SLIT2: variants seen among roughly 807,000 people sequenced by gnomAD.
SLIT2 encodes slit homolog 2 protein.
Under a neutral mutation model 185.7 loss-of-function variants are expected in SLIT2, and 41 were observed. That is an observed-to-expected ratio of 0.22 (90% CI 0.17 to 0.29). The LOEUF (loss-of-function observed/expected upper bound fraction) is 0.29, where lower values mean the gene tolerates loss of function less well. Ranked by LOEUF, SLIT2 falls within the 10% of genes least tolerant of loss-of-function variation. The pLI is 1.00. For missense variants in SLIT2, 1,571 were observed against 1,909.0 expected (o/e 0.82, Z 3.30); for synonymous variants, 693 against 680.2 (o/e 1.02, Z -0.29).
intron 4 of SLIT2, among the ~76,000 whole-genome samples, chr4:20,381,601 T>G (rs1724518381): frequency 6.6e-6 from 1 of 152,146 alleles, no homozygotes; most frequent in African/African-American, 2.4e-5. Context: ...ATCTCAATTT[T>G]CCAAAAATAG....
At chr4:20,497,310 C>G (rs1448276133) in intron 9 of SLIT2, among the ~76,000 whole-genome samples, 1 of 151,686 alleles carries the variant, frequency 6.6e-6, no homozygotes, top group Non-Finnish European at 1.5e-5. Context: ...TAAAAACCTT[C>G]AATTGTGAAG....
chr4:20,325,655 G>T (rs1333942259), intron 4 of SLIT2, among the ~76,000 whole-genome samples: 1 of 151,984 alleles, frequency 6.6e-6, no homozygotes, highest in African/African-American at 2.4e-5. Flanking sequence ...AAAATATTTT[G>T]CCCTAACTTC....
chr4:20,605,587 A>G (rs1295664149), intron 33 of SLIT2, among the ~76,000 whole-genome samples: 1 of 152,186 alleles, frequency 6.6e-6, no homozygotes, highest in East Asian at 1.9e-4. Context: ...AAAGGATGCC[A>G]TGCATTACAT....
intron 9 of SLIT2, among the ~76,000 whole-genome samples, chr4:20,496,782 G>T (rs1400100572): frequency 6.6e-6 from 1 of 152,058 alleles, no homozygotes; most frequent in African/African-American, 2.4e-5. Flanking sequence ...AATATTTATT[G>T]GGTAAATGGA....
intron 18 of SLIT2, among the ~76,000 whole-genome samples, chr4:20,537,137 T>A (rs1156375925): frequency 6.6e-6 from 1 of 152,234 alleles, no homozygotes; most frequent in Non-Finnish European, 1.5e-5. Flanking sequence ...AACAATAGTA[T>A]AGTAAATACA....
At chr4:20,299,490 C>T (rs575491882) in intron 4 of SLIT2, among the ~76,000 whole-genome samples, 2 of 152,174 alleles carry the variant, frequency 1.3e-5, no homozygotes, top group South Asian at 4.1e-4. Flanking sequence ...AATATTTTAT[C>T]TATTTCAATA....
chr4:20,301,141 A>T (rs1363990510), intron 4 of SLIT2, among the ~76,000 whole-genome samples: 2 of 152,162 alleles, frequency 1.3e-5, no homozygotes, highest in African/African-American at 4.8e-5. Flanking sequence ...TGCTTTGTTC[A>T]TATGGTTGAT....
At chr4:20,349,638 C>T (rs374531485) in intron 4 of SLIT2, among the ~76,000 whole-genome samples, 5 of 152,120 alleles carry the variant, frequency 3.3e-5, no homozygotes, top group Admixed American at 1.3e-4. Flanking sequence ...TAAAGTATCA[C>T]GAAAGCCCCA....
chr4:20,330,751 G>C (rs1411864493), intron 4 of SLIT2, among the ~76,000 whole-genome samples: 1 of 151,946 alleles, frequency 6.6e-6, no homozygotes, highest in Non-Finnish European at 1.5e-5. Flanking sequence ...GGGGAACATG[G>C]ATAGTATTAA....
intron 34 of SLIT2, among the ~76,000 whole-genome samples, chr4:20,614,046 T>A (rs2148985658): frequency 6.6e-6 from 1 of 152,218 alleles, no homozygotes; most frequent in South Asian, 2.1e-4. Context: ...TAATTTTTTA[T>A]ACTTTTAGTA....
intron 9 of SLIT2, among the ~76,000 whole-genome samples, chr4:20,494,995 C>G (rs1240190098): frequency 6.6e-6 from 1 of 152,036 alleles, no homozygotes; most frequent in Non-Finnish European, 1.5e-5. Context: ...GAGGAAGAGA[C>G]TTCTAGGAAA....
intron 34 of SLIT2, chr4:20,615,717 A>G (rs1301421107): frequency 6.6e-6 from 1 of 152,244 alleles, no homozygotes; most frequent in Non-Finnish European, 1.5e-5. Flanking sequence ...TGAATGGGAA[A>G]GGAGAAGGTG....
At chr4:20,518,257 T>A (rs13106820) in intron 11 of SLIT2, among the ~76,000 whole-genome samples, 27,617 of 67,886 alleles carry the variant, frequency 0.41, 4,867 homozygotes, top group East Asian at 0.61. Flanking sequence ...ATATATATAT[T>A]TTTTTTTTTT....
At chr4:20,426,830 C>T (rs1728596179) in intron 4 of SLIT2, among the ~76,000 whole-genome samples, 1 of 151,882 alleles carries the variant, frequency 6.6e-6, no homozygotes, top group African/African-American at 2.4e-5. Context: ...TCATTTAAAC[C>T]CCAAAACAAC....
intron 33 of SLIT2, among the ~76,000 whole-genome samples, chr4:20,608,927 G>A (rs59628647): frequency 0.012 from 1,825 of 152,136 alleles, 31 homozygotes; most frequent in African/African-American, 0.041. Context: ...CAGTATCCCA[G>A]CATGTTAGAT....
rs199908862 is a variant in SLIT2 at position 20,472,208 on chromosome 4, ATG to A, written c.467+4399_467+4400del. 2.7e-4 allele frequency among the ~76,000 whole-genome samples: 35 copies of A among 128,332 alleles called. 2 individuals are homozygous for A. The highest frequency in any genetic ancestry group is 1.6e-3 in the East Asian group (7 of 4,394). 84.2% of individuals were successfully genotyped at this position (128,332 alleles called of 152,430 possible). ...ATATTTAGGAAAAATTGCTTTAGAA[ATG>A]TGTGTGTGTGTGTATATATATATAG... On this transcript the variant is annotated intron_variant, in intron 5 of 36. Transcript: ENST00000504154.
chr4:20,457,102 G>A (rs982614611), intron 4 of SLIT2, among the ~76,000 whole-genome samples: 1 of 152,022 alleles, frequency 6.6e-6, no homozygotes, highest in Admixed American at 6.6e-5. Context: ...CTTGAGAATT[G>A]TAATGTCCAT....
intron 4 of SLIT2, among the ~76,000 whole-genome samples, chr4:20,439,895 A>G (rs1209542478): frequency 2.6e-5 from 4 of 152,234 alleles, no homozygotes; most frequent in Non-Finnish European, 5.9e-5. Flanking sequence ...AGCAGGAGAA[A>G]AAGACATCAT....
At chr4:20,307,835 A>G (rs761593041) in intron 4 of SLIT2, among the ~76,000 whole-genome samples, 25 of 152,160 alleles carry the variant, frequency 1.6e-4, no homozygotes, top group Non-Finnish European at 3.7e-4. Flanking sequence ...GCCCAAGCTC[A>G]CATGGATAGT....
Sources: gnomAD v4.1 joint callset for allele counts (sites outside exome capture counted in the v4.1 genomes callset) on GRCh38, gnomAD v4.1.1 for gene constraint, MANE v1.5 for transcripts, NCBI Gene and HGNC (gene_info 2026-07-23, HGNC 2026-07-21) for gene names.